Variants in KCNMB3 observed in about 807,000 individuals in gnomAD.
KCNMB3 encodes calcium-activated potassium channel subunit beta-3.
KCNMB3 carries 18 observed loss-of-function variants against 11.9 expected under a neutral mutation model. The observed-to-expected ratio is 1.51, with a 90% CI of 1.04 to 2.23. The LOEUF (loss-of-function observed/expected upper bound fraction) is 2.23, where lower values mean the gene tolerates loss of function less well. Ranked by LOEUF, KCNMB3 falls within the 30% of genes most tolerant of loss-of-function variation. The pLI, the probability that KCNMB3 is intolerant of heterozygous loss-of-function variation, is 0.00. For missense variants in KCNMB3, 247 were observed against 329.4 expected (o/e 0.75, Z 1.94); for synonymous variants, 78 against 119.2 (o/e 0.65, Z 2.25).
intron 1 of KCNMB3, among the ~76,000 whole-genome samples, chr3:179,261,925 G>C (rs1328633237): frequency 6.6e-6 from 1 of 152,162 alleles, no homozygotes; most frequent in Admixed American, 6.5e-5. Context: ...TAGGCAAAAT[G>C]TAACAAAAAG....
intron 2 of KCNMB3, among the ~76,000 whole-genome samples, chr3:179,243,652 G>A (rs3865699): frequency 3.9e-5 from 6 of 152,258 alleles, no homozygotes; most frequent in African/African-American, 1.2e-4. Context: ...AGCTTTCAAC[G>A]CTTAGTAATG....
chr3:179,252,034 T>C (rs958131059), upstream of KCNMB3, among the ~76,000 whole-genome samples: 1 of 152,144 alleles, frequency 6.6e-6, no homozygotes, highest in African/African-American at 2.4e-5. Flanking sequence ...TTATTATTAT[T>C]TTTTTAATGT....
At chr3:179,260,450 C>T in intron 1 of KCNMB3, 1 of 1,613,624 alleles carries the variant, frequency 6.2e-7, no homozygotes, top group Non-Finnish European at 8.5e-7. Context: ...CACAATCCTT[C>T]ACTGTGTCCT....
Position 179,266,541 on chromosome 3 carries a change from C to G in KCNMB3, c.62+108G>C, listed in dbSNP as rs1576967157. On this transcript the variant is annotated intron_variant, in intron 1 of 3. Transcript: ENST00000349697. ...GGGAGGCATGGCAAGTGGGCATCCT[C>G]AGAGAAAAAGGAAACACTCACTCCC... 5 of 1,322,166 alleles carry G rather than the reference C, an allele frequency of 3.8e-6. No homozygotes were observed. The East Asian group carries it at 1.2e-4, about 32-fold the overall frequency. 81.9% of individuals were successfully genotyped at this position (1,322,166 alleles called of 1,614,324 possible).
intron 1 of KCNMB3, chr3:179,259,058 G>A (rs1334747691): frequency 9.3e-6 from 15 of 1,611,284 alleles, no homozygotes; most frequent in East Asian, 4.5e-5. Flanking sequence ...TGCCCTTCTC[G>A]TTCCCTCCTC....
chr3:179,253,881 G>GT (rs1432799601), upstream of KCNMB3, among the ~76,000 whole-genome samples: 3 of 152,032 alleles, frequency 2.0e-5, no homozygotes, highest in East Asian at 5.8e-4. Context: ...TATTGTAAAA[G>GT]TAACAGGCTT....
intron 1 of KCNMB3, chr3:179,261,165 C>T: frequency 7.5e-7 from 1 of 1,331,706 alleles, no homozygotes. Flanking sequence ...ATCTCACGAG[C>T]CTCCGCGCGG....
exon 1 of KCNMB3, chr3:179,266,939 AGAT>A: frequency 7.4e-7 from 1 of 1,356,698 alleles, no homozygotes; most frequent in East Asian, 2.7e-5. Context: ...GGTCAGTTCT[AGAT>A]GATCAAGAAG....
chr3:179,256,236 G>T (rs548704867), upstream of KCNMB3, among the ~76,000 whole-genome samples: 5 of 152,304 alleles, frequency 3.3e-5, no homozygotes, highest in South Asian at 8.3e-4. Context: ...AGGAGTTCCA[G>T]ACCAGACTGC....
chr3:179,242,498 T>C (rs1197085586), downstream of KCNMB3: 1 of 153,558 alleles, frequency 6.5e-6, no homozygotes, highest in Non-Finnish European at 1.4e-5. Flanking sequence ...TGTTAAGAAC[T>C]TTTTTATGAG....
downstream of KCNMB3, chr3:179,239,998 A>G: frequency 6.5e-7 from 1 of 1,542,748 alleles, no homozygotes; most frequent in Non-Finnish European, 8.8e-7. Flanking sequence ...GACTGCACTT[A>G]CTGTTTATGC....
At chr3:179,256,417 C>T (rs1033153038), upstream of KCNMB3, among the ~76,000 whole-genome samples, 21 of 151,630 alleles carry the variant, frequency 1.4e-4, no homozygotes, top group Non-Finnish European at 2.1e-4. Context: ...GCCTGGGCAA[C>T]AGAGAAAGAC....
intron 1 of KCNMB3, among the ~76,000 whole-genome samples, chr3:179,263,273 C>T (rs1352898049): frequency 6.6e-6 from 1 of 152,256 alleles, no homozygotes; most frequent in Admixed American, 6.5e-5. Context: ...CCTCACTGTC[C>T]GTGGCTTGTA....
At chr3:179,263,008 C>T (rs898545481) in intron 1 of KCNMB3, among the ~76,000 whole-genome samples, 18 of 152,362 alleles carry the variant, frequency 1.2e-4, no homozygotes, top group Non-Finnish European at 2.1e-4. Flanking sequence ...GATCCCGCAC[C>T]GGGGCCACAG....
At chr3:179,255,528 G>A (rs1215701816), upstream of KCNMB3, among the ~76,000 whole-genome samples, 1 of 152,146 alleles carries the variant, frequency 6.6e-6, no homozygotes, top group African/African-American at 2.4e-5. Flanking sequence ...AATAGCCAGA[G>A]TATAATACAG....
At chr3:179,261,152 G>A (rs1229830444) in intron 1 of KCNMB3, 3 of 1,331,612 alleles carry the variant, frequency 2.3e-6, no homozygotes, top group African/African-American at 1.5e-5. Flanking sequence ...CTCCTTCATG[G>A]GGATCTCACG....
chr3:179,259,867 C>G, intron 1 of KCNMB3: 3 of 1,613,226 alleles, frequency 1.9e-6, no homozygotes, highest in Non-Finnish European at 2.5e-6. Context: ...CCCTTGCTCT[C>G]AGTTCCTGCT....
At chr3:179,259,094 G>C in intron 1 of KCNMB3, 1 of 1,598,548 alleles carries the variant, frequency 6.3e-7, no homozygotes, top group Admixed American at 1.7e-5. Flanking sequence ...TTTCTGGATT[G>C]AAGTCCCCCG....
intron 1 of KCNMB3, chr3:179,259,569 A>G (rs1726133300): frequency 6.2e-7 from 1 of 1,608,408 alleles, no homozygotes; most frequent in Admixed American, 1.7e-5. Flanking sequence ...ATTTTCAGTC[A>G]CCTCGTTTTG....
Sources: gnomAD v4.1 joint callset for allele counts (sites outside exome capture counted in the v4.1 genomes callset) on GRCh38, gnomAD v4.1.1 for gene constraint, MANE v1.5 for transcripts, NCBI Gene and HGNC (gene_info 2026-07-23, HGNC 2026-07-21) for gene names.